The following C3orf49 variants were observed in gnomAD, a reference collection of about 807,000 sequenced individuals.
C3orf49 encodes putative uncharacterized protein C3orf49.
Under a neutral mutation model 13.3 loss-of-function variants are expected in C3orf49, and 27 were observed. That is an observed-to-expected ratio of 2.02 (90% CI 1.49 to 2.79). The LOEUF is 2.79. C3orf49 is among the 30% of genes most tolerant of loss of function. The pLI is 0.00. For synonymous variants in C3orf49, 87 were observed against 47.6 expected (o/e 1.83, Z -3.40); for missense variants, 242 against 134.2 (o/e 1.80, Z -3.97).
the C3orf49 span, among the ~76,000 whole-genome samples, chr3:63,804,118 G>T: frequency 6.6e-6 from 1 of 152,084 alleles, no homozygotes; most frequent in Non-Finnish European, 1.5e-5. Flanking sequence ...AGAGTGATGG[G>T]GAACAGCTGT....
At chr3:63,838,479 A>T in intron 5 of C3orf49, 2 of 1,608,610 alleles carry the variant, frequency 1.2e-6, no homozygotes, top group East Asian at 2.2e-5. Context: ...CGTGCTCAGC[A>T]TACGTTGGTA....
At chr3:63,782,897 G>T in the C3orf49 span, 1 of 152,174 alleles carries the variant, frequency 6.6e-6, no homozygotes, top group Admixed American at 6.5e-5. Flanking sequence ...CAAAGGAGAA[G>T]GTGTTAAGAA....
chr3:63,843,483 G>A (rs1314150654), intron 5 of C3orf49, among the ~76,000 whole-genome samples: 2 of 152,198 alleles, frequency 1.3e-5, no homozygotes, highest in Non-Finnish European at 2.9e-5. Context: ...TACTGGTTAT[G>A]TGTCCAAAGG....
intron 5 of C3orf49, chr3:63,835,017 C>G (rs557595462): frequency 1.3e-6 from 1 of 763,692 alleles, no homozygotes; most frequent in South Asian, 2.3e-5. Context: ...AACATGAGTA[C>G]CTTCTAACGT....
the C3orf49 span, among the ~76,000 whole-genome samples, chr3:63,807,782 G>A: frequency 0.023 from 3,440 of 148,980 alleles, 79 homozygotes; most frequent in African/African-American, 0.058. Flanking sequence ...ACTTGAACCC[G>A]GGAGGCAGAG....
chr3:63,835,011 T>C (rs1701600374), intron 5 of C3orf49: 1 of 728,236 alleles, frequency 1.4e-6, no homozygotes. Context: ...AAGTTGAACA[T>C]GAGTACCTTC....
chr3:63,789,959 G>T, the C3orf49 span, among the ~76,000 whole-genome samples: 3 of 151,906 alleles, frequency 2.0e-5, no homozygotes, highest in Admixed American at 1.3e-4. Context: ...TAAGCAATAG[G>T]AATGGTTTTT....
chr3:63,832,526 C>T (rs1271963749), intron 5 of C3orf49, among the ~76,000 whole-genome samples: 1 of 150,720 alleles, frequency 6.6e-6, no homozygotes, highest in Non-Finnish European at 1.5e-5. Context: ...CTGAGTATGG[C>T]GATGTGTTGC....
At chr3:63,815,846 A>G (rs1223321668), upstream of C3orf49, among the ~76,000 whole-genome samples, 1 of 142,826 alleles carries the variant, frequency 7.0e-6, no homozygotes, top group African/African-American at 2.7e-5. Flanking sequence ...AGCTCACTGC[A>G]TCCTCTGCCT....
chr3:63,833,535 C>T (rs1459725878), intron 5 of C3orf49: 2 of 152,186 alleles, frequency 1.3e-5, no homozygotes, highest in African/African-American at 4.8e-5. Context: ...GAACCATATT[C>T]CTCTCATATT....
chr3:63,813,566 G>A, the C3orf49 span, among the ~76,000 whole-genome samples: 1 of 148,724 alleles, frequency 6.7e-6, no homozygotes, highest in African/African-American at 2.6e-5. Context: ...ATGAAAAAAA[G>A]GCATGATTTA....
At chr3:63,831,327 A>ACC (rs1372300841) in intron 4 of C3orf49, 104 bp downstream of exon 4, 23 of 630,352 alleles carry the variant, frequency 3.6e-5, no homozygotes, top group Non-Finnish European at 6.5e-5. Flanking sequence ...GGATGAAATT[A>ACC]ATGATTAGCA....
At chr3:63,780,056 T>A in the C3orf49 span, 61 of 152,306 alleles carry the variant, frequency 4.0e-4, no homozygotes, top group Admixed American at 9.2e-4. Context: ...TAGTTACATA[T>A]GTATACGTGT....
rs1575798862 is a variant in C3orf49, at chr3:63,831,207, G to A, written c.668G>A (p.Gly223Glu). The change falls in exon 4 of 7, where the codon GGA (glycine) becomes GAA (glutamate). Residue 223 changes from glycine to glutamate, a missense_variant. Coordinates refer to ENST00000295896, the MANE Select transcript of C3orf49 (RefSeq NM_001355236.2). ...NILRKSDLTV[G>E]KLQMQVDDLI... ...CTTCGAAAATCAGATTTGACAGTAG[G>A]AAAGCTTCAAATGCAGGTAGTGGAC... 1 of 702,582 alleles carries A rather than the reference G, an allele frequency of 1.4e-6. No homozygotes were observed. The highest frequency in any genetic ancestry group is 2.6e-6 in the Non-Finnish European group (1 of 384,890). 43.5% of individuals were successfully genotyped at this position (702,582 alleles called of 1,614,324 possible).
the C3orf49 span, among the ~76,000 whole-genome samples, chr3:63,788,502 T>C: frequency 1.3e-5 from 2 of 151,564 alleles, no homozygotes; most frequent in African/African-American, 4.9e-5. Flanking sequence ...CAGAGGAAGA[T>C]GAGGAAGGAT....
chr3:63,820,700 AG>A (rs1175640177), intron 1 of C3orf49, among the ~76,000 whole-genome samples: 1 of 152,194 alleles, frequency 6.6e-6, no homozygotes, highest in African/African-American at 2.4e-5. Context: ...GGAGTCTCAG[AG>A]GGGTCTACGG....
At chr3:63,829,025 C>A (rs927049068) in intron 3 of C3orf49, among the ~76,000 whole-genome samples, 1 of 152,198 alleles carries the variant, frequency 6.6e-6, no homozygotes, top group African/African-American at 2.4e-5. Context: ...GGCCAACAAT[C>A]GCACCTAGTT....
chr3:63,828,382 C>G (rs1270263867), intron 3 of C3orf49, among the ~76,000 whole-genome samples: 1 of 152,182 alleles, frequency 6.6e-6, no homozygotes, highest in Non-Finnish European at 1.5e-5. Context: ...TCACTGCAAC[C>G]TCCGTCTCCT....
At chr3:63,813,614 C>A in the C3orf49 span, among the ~76,000 whole-genome samples, 2 of 152,222 alleles carry the variant, frequency 1.3e-5, no homozygotes, top group East Asian at 3.8e-4. Context: ...ACACTTTACT[C>A]CAGCTGCACC....
Sources: gnomAD v4.1 joint callset for allele counts (sites outside exome capture counted in the v4.1 genomes callset) on GRCh38, gnomAD v4.1.1 for gene constraint, MANE v1.5 for transcripts, NCBI Gene and HGNC (gene_info 2026-07-23, HGNC 2026-07-21) for gene names.